The following ANK2 variants were observed in gnomAD, a reference collection of about 807,000 sequenced individuals.
ANK2 encodes ankyrin-2.
Under a neutral mutation model 360.5 loss-of-function variants are expected in ANK2, and 83 were observed. That is an observed-to-expected ratio of 0.23 (90% CI 0.19 to 0.28). The LOEUF (loss-of-function observed/expected upper bound fraction) is 0.28, where lower values mean the gene tolerates loss of function less well. ANK2 is among the 10% of genes least tolerant of loss of function. The probability of loss-of-function intolerance (pLI) is 1.00; values close to 1 mark genes in which losing one functional copy is unlikely to be tolerated. For missense variants in ANK2, 4,201 were observed against 4,795.7 expected (o/e 0.88, Z 3.66); for synonymous variants, 1,740 against 1,759.5 (o/e 0.99, Z 0.28).
intron 1 of ANK2, among the ~76,000 whole-genome samples, chr4:112,846,824 G>C (rs115048857): frequency 6.6e-6 from 1 of 152,106 alleles, no homozygotes; most frequent in East Asian, 1.9e-4. Context: ...GGTCATCAAA[G>C]AACTCAGTTT....
chr4:113,255,957 A>C (rs752285263), intron 11 of ANK2, 25 bp downstream of exon 11: 342 of 1,608,422 alleles, frequency 2.1e-4, no homozygotes, highest in Non-Finnish European at 2.9e-4. Context: ...GTCCACATTA[A>C]CTGAATACAG....
intron 1 of ANK2, among the ~76,000 whole-genome samples, chr4:113,075,114 T>C (rs2154343083): frequency 6.6e-6 from 1 of 152,348 alleles, no homozygotes; most frequent in African/African-American, 2.4e-5. Flanking sequence ...TTTAATAAGA[T>C]CTTTGTGTAC....
rs2095768706 is a variant in ANK2 at position 113,356,305 on chromosome 4, G to C, written c.7687G>C (p.Ala2563Pro). 6.2e-7 allele frequency: 1 copy of C among 1,614,144 alleles called. No homozygotes were observed. The highest frequency in any genetic ancestry group is 8.5e-7 in the Non-Finnish European group (1 of 1,180,000). ...KTTDVSTPKP[A>P]VIHECAEEDD... ...CACAGATGTAAGTACACCAAAACCA[G>C]CTGTGATTCATGAATGTGCAGAGGA... Residue 2563 changes from alanine (A) to proline (P), a missense_variant, in exon 38 of 46, where the codon GCT becomes CCT. Ala to Pro is a conservative substitution (Grantham distance 27). Transcript: ENST00000357077.
chr4:113,260,245 C>G (rs2153641007), intron 13 of ANK2, among the ~76,000 whole-genome samples: 1 of 152,064 alleles, frequency 6.6e-6, no homozygotes, highest in African/African-American at 2.4e-5. Context: ...AATATACTCC[C>G]TTCTATTAAA....
At chr4:112,896,066 G>A (rs566256871) in intron 1 of ANK2, among the ~76,000 whole-genome samples, 1 of 152,224 alleles carries the variant, frequency 6.6e-6, no homozygotes, top group Admixed American at 6.5e-5. Flanking sequence ...TCAGTTCCAG[G>A]CCATTACACC....
chr4:113,162,267 C>T (rs1392571774), intron 1 of ANK2, among the ~76,000 whole-genome samples: 1 of 151,974 alleles, frequency 6.6e-6, no homozygotes, highest in African/African-American at 2.4e-5. Flanking sequence ...CCTGATGACA[C>T]TGCTTATCCT....
At chr4:113,200,702 C>T (rs1184796419) in intron 4 of ANK2, among the ~76,000 whole-genome samples, 1 of 152,092 alleles carries the variant, frequency 6.6e-6, no homozygotes, top group East Asian at 1.9e-4. Context: ...TGTATATGTA[C>T]CACATTTTCT....
chr4:112,732,731 A>C, the ANK2 span, among the ~76,000 whole-genome samples: 1 of 152,190 alleles, frequency 6.6e-6, no homozygotes. Context: ...CACCAACACC[A>C]AACAATGTGG....
At chr4:113,178,110 G>T (rs994923734) in intron 2 of ANK2, among the ~76,000 whole-genome samples, 6 of 152,014 alleles carry the variant, frequency 3.9e-5, no homozygotes, top group Non-Finnish European at 7.4e-5. Flanking sequence ...GGCCAGGTGT[G>T]GTGGCTCACA....
upstream of ANK2, among the ~76,000 whole-genome samples, chr4:112,815,690 C>A (rs1256757252): frequency 6.6e-6 from 1 of 152,144 alleles, no homozygotes; most frequent in Non-Finnish European, 1.5e-5. Context: ...TTGAGTCAGT[C>A]TCCAATGGCC....
At chr4:113,321,230 A>C (rs1325121252) in intron 26 of ANK2, among the ~76,000 whole-genome samples, 2 of 152,254 alleles carry the variant, frequency 1.3e-5, no homozygotes, top group African/African-American at 4.8e-5. Flanking sequence ...TTAAATAATT[A>C]GCACTTTGCC....
Position 113,311,263 on chromosome 4 carries a change from A to C in ANK2, c.2557A>C (p.Thr853Pro), listed in dbSNP as rs1178600130. 1.4e-5 allele frequency: 23 copies of C among 1,614,064 alleles called. No homozygotes were observed. The highest frequency in any genetic ancestry group is 1.9e-5 in the Non-Finnish European group (23 of 1,180,040). The change falls in exon 24 of 46, where the codon ACA becomes CCA. Residue 853 changes from threonine (T) to proline (P), a missense_variant. Transcript: ENST00000357077. ...LDVSDEEGDD[T>P]MTGDGGEYLR... The stretch of plus-strand genomic sequence containing the variant: ...CCTCTGATTGTTTCAAGGTGATGAC[A>C]CAATGACTGGTGATGGGGGAGAATA...
In ANK2 at chr4:113,358,980, G is replaced by A. The variant is rs55726422; in HGVS notation, c.10362G>A (p.Arg3454=). 6.2e-7 allele frequency: 1 copy of A among 1,614,070 alleles called. No homozygotes were observed. The highest frequency in any genetic ancestry group is 1.3e-5 in the African/African-American group (1 of 75,020). The change falls in exon 38 of 46, where the codon AGG becomes AGA. Residue 3454 remains arginine, a synonymous_variant. Transcript: ENST00000357077. The stretch of plus-strand genomic sequence containing the variant: ...GCAGAAGCACTACATCTTCCTGCAG[G>A]GGGGGCACGAGCCCCACAAAAGAAA... ...VKSRSTTSSC[R]GGTSPTKESK... is the part of the protein sequence containing the mutation.
At chr4:112,863,554 G>A (rs867539606) in intron 1 of ANK2, among the ~76,000 whole-genome samples, 2 of 119,390 alleles carry the variant, frequency 1.7e-5, no homozygotes, top group African/African-American at 6.6e-5. Flanking sequence ...ACGGAGTCTC[G>A]CTCTGTCACC....
intron 1 of ANK2, among the ~76,000 whole-genome samples, chr4:113,172,334 G>A (rs1293146646): frequency 1.3e-5 from 2 of 152,184 alleles, no homozygotes; most frequent in South Asian, 4.1e-4. Flanking sequence ...CTAGGAATCT[G>A]TAGTAATATT....
At chr4:113,080,330 A>G (rs529697420) in intron 1 of ANK2, among the ~76,000 whole-genome samples, 63 of 152,310 alleles carry the variant, frequency 4.1e-4, no homozygotes, top group Non-Finnish European at 7.8e-4. Flanking sequence ...GATCTCTGTA[A>G]CAAAGCAGTC....
intron 13 of ANK2, among the ~76,000 whole-genome samples, chr4:113,259,142 G>T (rs1392206739): frequency 1.3e-5 from 2 of 152,052 alleles, no homozygotes; most frequent in Admixed American, 6.5e-5. Context: ...CATTTTCTTG[G>T]ATTTTCCCCC....
intron 2 of ANK2, among the ~76,000 whole-genome samples, chr4:112,998,483 A>G (rs957933381): frequency 1.3e-5 from 2 of 152,182 alleles, no homozygotes; most frequent in Admixed American, 6.5e-5. Context: ...ATGTTAGTGA[A>G]TGAGAAGAAA....
At chr4:113,365,742 CTTTT>C (rs1382575890) in intron 41 of ANK2, among the ~76,000 whole-genome samples, 1 of 151,626 alleles carries the variant, frequency 6.6e-6, no homozygotes, top group East Asian at 1.9e-4. Flanking sequence ...AACACTGTCT[CTTTT>C]CTTTATTTAT....
Sources: gnomAD v4.1 joint callset for allele counts (sites outside exome capture counted in the v4.1 genomes callset) on GRCh38, gnomAD v4.1.1 for gene constraint, MANE v1.5 for transcripts, NCBI Gene and HGNC (gene_info 2026-07-23, HGNC 2026-07-21) for gene names.